PKD2L2: variants seen among roughly 807,000 people sequenced by gnomAD.
PKD2L2 encodes polycystin-2-like protein 2.
PKD2L2 carries 67 observed loss-of-function variants against 83.9 expected under a neutral mutation model. The observed-to-expected ratio is 0.80, with a 90% CI of 0.66 to 0.98. PKD2L2 has a LOEUF of 0.98. PKD2L2 is among the 50% of genes least tolerant of loss of function. The pLI is 0.00. For missense variants in PKD2L2, 632 were observed against 717.2 expected (o/e 0.88, Z 1.36); for synonymous variants, 223 against 237.8 (o/e 0.94, Z 0.57).
At chr5:137,916,475 C>CCTTTTTTTTTT (rs1274018088) in intron 8 of PKD2L2, among the ~76,000 whole-genome samples, 2 of 93,216 alleles carry the variant, frequency 2.1e-5, no homozygotes, top group Non-Finnish European at 4.0e-5. Flanking sequence ...CACTTTTCTT[C>CCTTTTTTTTTT]TTTTTTTTTT....
At chr5:137,892,951 A>T (rs949139484) in intron 3 of PKD2L2, among the ~76,000 whole-genome samples, 2 of 152,176 alleles carry the variant, frequency 1.3e-5, no homozygotes, top group Non-Finnish European at 2.9e-5. Flanking sequence ...CTACTAAAAA[A>T]TACAAACATT....
intron 12 of PKD2L2, among the ~76,000 whole-genome samples, chr5:137,933,066 A>T (rs1474662162): frequency 6.6e-6 from 1 of 150,936 alleles, no homozygotes; most frequent in Non-Finnish European, 1.5e-5. Flanking sequence ...AAAAAAAAAA[A>T]CCCACGACCT....
At chr5:137,899,481 T>TG (rs766466116) in intron 4 of PKD2L2, 35 bp from the exon 5 acceptor site, 39 of 1,325,642 alleles carry the variant, frequency 2.9e-5, no homozygotes, top group Non-Finnish European at 4.0e-5. Context: ...AGTTGGGCTT[T>TG]GTCATTTCAC....
chr5:137,908,837 A>G lies in PKD2L2; in HGVS notation c.1219A>G (p.Ile407Val). The G allele has an allele frequency of 6.3e-7, 1 of 1,593,240 alleles. No homozygotes were observed. Among genetic ancestry groups the G allele is most frequent in the Non-Finnish European group, 8.6e-7 (1 of 1,161,538 alleles). ...AACCTTGTCCCGTTGTGTTAAAGAC[A>G]TAGTAGGATTTGCCATCATGTTTTT... Reference protein sequence around the residue: ...SSTLSRCVKDIVGFAIMFFII... With the variant: ...SSTLSRCVKDVVGFAIMFFII... The change falls in exon 8 of 15, where the codon ATA becomes GTA. Residue 407 changes from isoleucine to valine, a missense_variant. Ile to Val is a conservative substitution (Grantham distance 29, BLOSUM62 3). Transcript: ENST00000508883.
At chr5:137,906,064 C>A in intron 5 of PKD2L2, 142 bp from the exon 6 acceptor site, 1 of 554,156 alleles carries the variant, frequency 1.8e-6, no homozygotes, top group Non-Finnish European at 3.2e-6. Context: ...AAATTGAACC[C>A]ATTTCCCCAA....
At chr5:137,940,054 G>C (rs1183073478) in intron 14 of PKD2L2, 1 of 1,613,936 alleles carries the variant, frequency 6.2e-7, no homozygotes, top group East Asian at 2.2e-5. Context: ...TCCCTTGAGA[G>C]GGCCTACTTA....
At position 137,892,631 on chromosome 5, in the gene PKD2L2, T is replaced by C; in HGVS notation, c.267+18T>C. 5.6e-6 allele frequency: 9 copies of C among 1,607,532 alleles called. No individual in the cohort carries two copies. The highest frequency in any genetic ancestry group is 7.6e-6 in the Non-Finnish European group (9 of 1,177,208). On this transcript the variant is annotated intron_variant, in intron 3 of 14. Transcript: ENST00000508883. ...TTTGGAAGGTAAAGTATCTTGTGAC[T>C]GTGGATGAAGTAGATTTAGGTAGTC... is the stretch of plus-strand genomic sequence containing the variant.
chr5:137,903,770 A>G (rs1240065773), intron 5 of PKD2L2, among the ~76,000 whole-genome samples: 3 of 151,986 alleles, frequency 2.0e-5, no homozygotes, highest in Admixed American at 1.3e-4. Context: ...TTTTAATTTA[A>G]TTTTTGAGAT....
At chr5:137,935,718 A>T (rs1199481794) in intron 12 of PKD2L2, 79 bp from the exon 13 acceptor site, 1 of 778,176 alleles carries the variant, frequency 1.3e-6, no homozygotes, top group African/African-American at 1.7e-5. Context: ...AAGATCCTCA[A>T]TCCTGTGATG....
intron 14 of PKD2L2, chr5:137,940,257 T>C (rs1761245671): frequency 1.9e-6 from 3 of 1,614,050 alleles, no homozygotes; most frequent in Non-Finnish European, 1.7e-6. Context: ...TGTTTGCTTA[T>C]AAGAACTTCA....
chr5:137,916,300 CAAG>C (rs1199130686), intron 8 of PKD2L2, among the ~76,000 whole-genome samples: 6 of 151,948 alleles, frequency 3.9e-5, no homozygotes, highest in Non-Finnish European at 8.8e-5. Context: ...CTCAGTTTCC[CAAG>C]TAGCTGGGAT....
chr5:137,942,039 T>A (rs1255699785), intron 14 of PKD2L2: 3 of 1,613,384 alleles, frequency 1.9e-6, no homozygotes, highest in East Asian at 2.2e-5. Flanking sequence ...GTTCCAATAA[T>A]TCAGGCCTAG....
intron 5 of PKD2L2, among the ~76,000 whole-genome samples, chr5:137,901,903 C>G (rs1280467249): frequency 6.6e-6 from 1 of 151,690 alleles, no homozygotes; most frequent in Admixed American, 6.6e-5. Context: ...CCTGAAACAA[C>G]AAATACCCGC....
chr5:137,894,692 G>C, intron 4 of PKD2L2, 83 bp downstream of exon 4: 1 of 1,067,420 alleles, frequency 9.4e-7, no homozygotes, highest in Non-Finnish European at 1.4e-6. Context: ...AGTAACACCA[G>C]CTGGGTCCTG....
At chr5:137,913,531 C>G (rs1758046851) in intron 8 of PKD2L2, among the ~76,000 whole-genome samples, 3 of 149,550 alleles carry the variant, frequency 2.0e-5, no homozygotes, top group Non-Finnish European at 4.4e-5. Flanking sequence ...CTCTGTCACC[C>G]AGGCTCTGAA....
In PKD2L2 at chr5:137,892,664, C is replaced by G. The variant is rs767252310; in HGVS notation, c.267+51C>G. 59 of 1,460,960 alleles carry G rather than the reference C, an allele frequency of 4.0e-5. No homozygotes were observed. In the Middle Eastern group the frequency reaches 8.6e-4, roughly 21 times the overall value. 90.5% of individuals were successfully genotyped at this position (1,460,960 alleles called of 1,614,324 possible). On this transcript the variant is annotated intron_variant, in intron 3 of 14. Transcript: ENST00000508883. The stretch of plus-strand genomic sequence containing the variant: ...AAGTAGATTTAGGTAGTCCATGAAC[C>G]CTTGGCATACACAGTGGGCACTCAA...
At chr5:137,936,015 G>T in intron 13 of PKD2L2, 106 bp downstream of exon 13, 1 of 716,174 alleles carries the variant, frequency 1.4e-6, no homozygotes. Context: ...ACTCTATTAG[G>T]ATGCCTTTAT....
chr5:137,942,156 C>A, intron 14 of PKD2L2: 1 of 793,424 alleles, frequency 1.3e-6, no homozygotes, highest in Non-Finnish European at 2.0e-6. Flanking sequence ...GTTAGGTCTA[C>A]CAATGCCTAA....
At chr5:137,898,593 C>T (rs1165719741) in intron 4 of PKD2L2, among the ~76,000 whole-genome samples, 1 of 152,156 alleles carries the variant, frequency 6.6e-6, no homozygotes, top group Non-Finnish European at 1.5e-5. Flanking sequence ...ACCTATGCTA[C>T]AGTGCAGGGA....
Sources: allele counts gnomAD v4.1 joint callset (sites outside exome capture counted in the v4.1 genomes callset), GRCh38; gene constraint gnomAD v4.1.1; transcripts MANE v1.5; gene names NCBI Gene and HGNC (gene_info 2026-07-23, HGNC 2026-07-21).